DNAH1: variants seen among roughly 807,000 people sequenced by gnomAD.
DNAH1 encodes the protein axonemal beta dynein heavy chain 1.
In DNAH1, 327 loss-of-function variants were observed where a neutral mutation model predicts 484.3. That is an observed-to-expected ratio of 0.68 (90% CI 0.62 to 0.74). DNAH1 has a LOEUF of 0.74. DNAH1 is among the 30% of genes least tolerant of loss of function. The pLI is 0.00. For missense variants in DNAH1, 5,052 were observed against 5,546.8 expected (o/e 0.91, Z 2.83); for synonymous variants, 2,192 against 2,191.9 (o/e 1.00, Z 0.00).
chr3:52,348,814 C>A lies in DNAH1; in HGVS notation c.2107-74C>A. Reference sequence around the variant, plus strand: ...CTGCTTGCCCTGCTCCTCGGGAGGACTCCCCATCTCCCCTCTGCTCATTCA... The same window carrying A: ...CTGCTTGCCCTGCTCCTCGGGAGGAATCCCCATCTCCCCTCTGCTCATTCA... On this transcript the variant is annotated intron_variant, in intron 12 of 77. Transcript: ENST00000420323. 2.0e-6 allele frequency: 3 copies of A among 1,524,484 alleles called. No individual in the cohort carries two copies. The South Asian group carries it at 3.6e-5, about 18-fold the overall frequency. The allele number at this position is 1,524,484 out of a possible 1,614,324, so 94.4% of individuals were successfully genotyped here.
intron 46 of DNAH1, among the ~76,000 whole-genome samples, chr3:52,376,508 G>A (rs961109634): frequency 2.6e-5 from 4 of 152,080 alleles, no homozygotes; most frequent in Non-Finnish European, 1.5e-5. Flanking sequence ...GCTTACCTGC[G>A]CCCTGCCTTC....
chr3:52,349,961 CCT>C, intron 14 of DNAH1, 26 bp from the exon 15 acceptor site: 1 of 1,585,704 alleles, frequency 6.3e-7, no homozygotes, highest in Non-Finnish European at 8.6e-7. Context: ...AGCATGCTGC[CCT>C]CCCCAGCGCC....
chr3:52,345,576 T>C lies in DNAH1; in HGVS notation c.1526T>C (p.Val509Ala). 6.2e-7 allele frequency: 1 copy of C among 1,600,936 alleles called. No individual in the cohort carries two copies. ...TFVSLLTRPEVITALSKVRAE... is the reference protein window; with the variant it reads ...TFVSLLTRPEAITALSKVRAE... ...GTGTCCCTGCTCACACGGCCAGAGGTCATCACGGCCCTCAGCAAGGTGAGG... is the reference window on the plus strand; with the variant it reads ...GTGTCCCTGCTCACACGGCCAGAGGCCATCACGGCCCTCAGCAAGGTGAGG... The change falls in exon 10 of 78, where the codon GTC (valine) becomes GCC (alanine). Residue 509 changes from valine (V) to alanine (A), a missense_variant. By Grantham distance (64) the Val-to-Ala change is moderately conservative. Around this residue, in one of 4 missense-constraint regions of DNAH1, gnomAD observed 1,263 missense variants for 1,218.8 expected, o/e 1.04. Transcript: ENST00000420323.
At position 52,354,775 on chromosome 3, in the gene DNAH1, C is replaced by A. The variant is rs1425322622; in HGVS notation, c.3481-68C>A. ...AGGTACTGTCTGCTGCTTCCCTGGG[C>A]AGGGCTGGTCAGACAGCATCAGGAC... On this transcript the variant is annotated intron_variant, in intron 20 of 77. Coordinates refer to ENST00000420323, the MANE Select transcript of DNAH1 (RefSeq NM_015512.5). 9.2e-6 allele frequency: 14 copies of A among 1,514,232 alleles called. No individual in the cohort carries two copies. In the East Asian group the frequency reaches 3.0e-4, roughly 33 times the overall value. The allele number at this position is 1,514,232 out of a possible 1,614,324, so 93.8% of individuals were successfully genotyped here.
intron 76 of DNAH1, 87 bp from the exon 77 acceptor site, chr3:52,399,458 C>T (rs1014899189): frequency 3.6e-5 from 43 of 1,209,824 alleles, no homozygotes; most frequent in Non-Finnish European, 4.8e-5. Context: ...CAGCATTAGG[C>T]AGCTCTCTCA....
At position 52,388,237 on chromosome 3, in the gene DNAH1, C is replaced by T; in HGVS notation, c.9074C>T (p.Thr3025Ile). 1 of 1,607,270 alleles carries T rather than the reference C, an allele frequency of 6.2e-7. No homozygotes were observed. Among genetic ancestry groups the T allele is most frequent in the African/African-American group, 1.3e-5 (1 of 74,954 alleles). The change falls in exon 57 of 78, where the codon ACC (threonine) becomes ATC (isoleucine). Residue 3025 changes from threonine to isoleucine, a missense_variant. By Grantham distance (89) the Thr-to-Ile change is moderately conservative. Around this residue, in one of 4 missense-constraint regions of DNAH1, gnomAD observed 2,929 missense variants for 3,409.4 expected, o/e 0.86. Transcript: ENST00000420323. ...GATAATGAAGAGTTCCAGCCAGCCACCATTGCCAAGGTGTCCAAGGCTTGC... is the reference window on the plus strand; with the variant it reads ...GATAATGAAGAGTTCCAGCCAGCCATCATTGCCAAGGTGTCCAAGGCTTGC... ...YIDNEEFQPATIAKVSKACTS... is the reference protein window; with the variant it reads ...YIDNEEFQPAIIAKVSKACTS...
At chr3:52,365,739 G>C (rs1281730465) in intron 34 of DNAH1, among the ~76,000 whole-genome samples, 1 of 152,130 alleles carries the variant, frequency 6.6e-6, no homozygotes, top group Non-Finnish European at 1.5e-5. Flanking sequence ...ACCCTAGGCA[G>C]TTCCTGCTCA....
In DNAH1 at chr3:52,372,100, C is replaced by G. The variant is rs147159692; in HGVS notation, c.6666+14C>G. 6.3e-4 allele frequency: 1,011 copies of G among 1,612,788 alleles called. 6 individuals are homozygous for G. The highest frequency in any genetic ancestry group is 5.3e-3 in the East Asian group (240 of 44,886). ...AACAAGAAGCCCGTGAGCACCCCCCCAGGCCCTGCCTCCACTGTCCCCAAG... is the reference window on the plus strand; with the variant it reads ...AACAAGAAGCCCGTGAGCACCCCCCGAGGCCCTGCCTCCACTGTCCCCAAG... On this transcript the variant is annotated intron_variant, in intron 42 of 77. Coordinates refer to ENST00000420323, the MANE Select transcript of DNAH1 (RefSeq NM_015512.5).
rs995669296 is a variant in DNAH1, at chr3:52,363,215, C to T, written c.5244+71C>T. The T allele has an allele frequency of 4.4e-6, 7 of 1,585,910 alleles. No individual in the cohort carries two copies. In the African/African-American group the frequency reaches 9.4e-5, roughly 21 times the overall value. On this transcript the variant is annotated intron_variant, in intron 32 of 77. Coordinates refer to ENST00000420323, the MANE Select transcript of DNAH1 (RefSeq NM_015512.5). ...CTGCTCCCAGCCTCCAGGGCACCTG[C>T]TGAGGGCCAGGCTCTATGCCCGGTG...
intron 6 of DNAH1, among the ~76,000 whole-genome samples, 162 bp from the exon 7 acceptor site, chr3:52,330,986 A>G (rs1439700222): frequency 6.6e-6 from 1 of 152,286 alleles, no homozygotes; most frequent in East Asian, 1.9e-4. Flanking sequence ...GCTGGGAGGA[A>G]GCAGGGCCCT....
At chr3:52,389,167 C>T (rs1704254022) in intron 59 of DNAH1, among the ~76,000 whole-genome samples, 1 of 152,256 alleles carries the variant, frequency 6.6e-6, no homozygotes, top group Admixed American at 6.5e-5. Flanking sequence ...TAGAAGAGCT[C>T]ACACTTCTGC....
At chr3:52,369,552 A>G (rs1192106358) in intron 37 of DNAH1, among the ~76,000 whole-genome samples, 1 of 152,174 alleles carries the variant, frequency 6.6e-6, no homozygotes. Flanking sequence ...AGATGTGCCC[A>G]GGCCTCCAGG....
chr3:52,367,090 G>C (rs1374620124), intron 36 of DNAH1, among the ~76,000 whole-genome samples: 1 of 152,206 alleles, frequency 6.6e-6, no homozygotes, highest in Non-Finnish European at 1.5e-5. Context: ...GCAAAGCGGG[G>C]ACAATAATGG....
Position 52,366,452 on chromosome 3 carries a change from C to A in DNAH1, c.5519-5C>A. 1.9e-6 allele frequency: 3 copies of A among 1,587,272 alleles called. No individual in the cohort carries two copies. Among genetic ancestry groups the A allele is most frequent in the Non-Finnish European group, 2.6e-6 (3 of 1,167,420 alleles). On this transcript the variant is annotated splice_region_variant and splice_polypyrimidine_tract_variant and intron_variant, in intron 34 of 77. Transcript: ENST00000420323. ...GACCCTTGGGCCCCATGCCATGTCC[C>A]CCAGGCTTCCTGACAAAGTGCATCC...
chr3:52,343,224 TAAAGTC>T (rs1221135187), intron 8 of DNAH1, among the ~76,000 whole-genome samples: 5 of 151,634 alleles, frequency 3.3e-5, no homozygotes, highest in African/African-American at 9.7e-5. Flanking sequence ...CACAAAGAGA[TAAAGTC>T]AAAGGAGGGA....
At chr3:52,327,468 G>A (rs1042700299) in intron 5 of DNAH1, among the ~76,000 whole-genome samples, 18 of 152,198 alleles carry the variant, frequency 1.2e-4, no homozygotes, top group East Asian at 9.7e-4. Flanking sequence ...TGACAGCCCC[G>A]AATCTCACCA....
In DNAH1 at chr3:52,346,467, T is replaced by A; in HGVS notation, c.1657-5T>A. On this transcript the variant is annotated splice_region_variant and splice_polypyrimidine_tract_variant and intron_variant, in intron 10 of 77. Transcript: ENST00000420323. Reference sequence around the variant, plus strand: ...GCCATATGATGATGCCTGTGGCCACTCTAGGTGCAGATGTTCCTCAAGGAC... The same window carrying A: ...GCCATATGATGATGCCTGTGGCCACACTAGGTGCAGATGTTCCTCAAGGAC... 1 of 1,605,732 alleles carries A rather than the reference T, an allele frequency of 6.2e-7. No individual in the cohort carries two copies. The highest frequency in any genetic ancestry group is 8.5e-7 in the Non-Finnish European group (1 of 1,175,670).
chr3:52,324,953 G>A (rs546923195), intron 3 of DNAH1, among the ~76,000 whole-genome samples: 5 of 152,232 alleles, frequency 3.3e-5, no homozygotes, highest in South Asian at 4.1e-4. Context: ...CCCGGCCCGC[G>A]GACGCAGCAG....
intron 36 of DNAH1, 107 bp downstream of exon 36, chr3:52,366,994 G>A: frequency 7.6e-7 from 1 of 1,323,604 alleles, no homozygotes; most frequent in South Asian, 1.4e-5. Context: ...GCCGGGCTCT[G>A]CAGCCCAACG....
Sources: gnomAD v4.1 joint callset for allele counts (sites outside exome capture counted in the v4.1 genomes callset) on GRCh38, gnomAD v4.1.1 for gene constraint, gnomAD v4.1.1 regional missense constraint, MANE v1.5 for transcripts, NCBI Gene and HGNC (gene_info 2026-07-23, HGNC 2026-07-21) for gene names.